Variants in HMGB1 observed in about 807,000 individuals in gnomAD.
HMGB1 encodes the protein high mobility group protein B1.
For missense variants in HMGB1, 79 were observed against 253.5 expected (o/e 0.31, Z 4.67); for synonymous variants, 81 against 84.0 (o/e 0.96, Z 0.19).
intron 1 of HMGB1, among the ~76,000 whole-genome samples, chr13:30,494,887 A>T (rs183407883): frequency 8.5e-5 from 13 of 152,272 alleles, no homozygotes; most frequent in Admixed American, 7.2e-4. Context: ...AGTATGTAAG[A>T]GTATATATTC....
chr13:30,589,594 C>T (rs1391996392), intron 1 of HMGB1, among the ~76,000 whole-genome samples: 1 of 152,160 alleles, frequency 6.6e-6, no homozygotes, highest in Non-Finnish European at 1.5e-5. Context: ...AGAGGCTGTG[C>T]ATGGTGGCTC....
intron 1 of HMGB1, among the ~76,000 whole-genome samples, chr13:30,549,160 G>C (rs757749305): frequency 2.0e-5 from 3 of 152,062 alleles, no homozygotes; most frequent in Non-Finnish European, 2.9e-5. Context: ...AGCTGGTCAT[G>C]CTGGTATACA....
At chr13:30,598,087 G>A (rs1289439670) in intron 1 of HMGB1, among the ~76,000 whole-genome samples, 1 of 152,138 alleles carries the variant, frequency 6.6e-6, no homozygotes, top group Non-Finnish European at 1.5e-5. Flanking sequence ...TAAGAAGAAG[G>A]CATGCACCGG....
chr13:30,598,024 T>C (rs533437028), intron 1 of HMGB1, among the ~76,000 whole-genome samples: 31 of 152,374 alleles, frequency 2.0e-4, no homozygotes, highest in African/African-American at 7.5e-4. Flanking sequence ...AATTACTGTC[T>C]AATTGGCTAG....
intron 1 of HMGB1, among the ~76,000 whole-genome samples, chr13:30,599,382 C>T (rs1312200277): frequency 4.6e-5 from 7 of 152,236 alleles, no homozygotes; most frequent in South Asian, 4.1e-4. Flanking sequence ...GCAGGAGAAT[C>T]GCTTGAACCT....
intron 1 of HMGB1, among the ~76,000 whole-genome samples, chr13:30,538,959 C>T (rs920506239): frequency 4.6e-5 from 7 of 152,132 alleles, no homozygotes; most frequent in South Asian, 2.1e-4. Flanking sequence ...TGCAACGGCA[C>T]GATCTCGGCT....
At chr13:30,572,956 T>C (rs1301061569) in intron 1 of HMGB1, among the ~76,000 whole-genome samples, 1 of 152,244 alleles carries the variant, frequency 6.6e-6, no homozygotes, top group African/African-American at 2.4e-5. Flanking sequence ...ACAGTTTCAC[T>C]TTCAGTTTTC....
intron 1 of HMGB1, among the ~76,000 whole-genome samples, chr13:30,474,763 T>A (rs2137423694): frequency 6.9e-6 from 1 of 145,546 alleles, no homozygotes; most frequent in African/African-American, 2.5e-5. Flanking sequence ...TCTCTCCTTT[T>A]TTTTTTTTTT....
chr13:30,596,835 G>A (rs561341615), intron 1 of HMGB1, among the ~76,000 whole-genome samples: 18 of 152,126 alleles, frequency 1.2e-4, no homozygotes, highest in Non-Finnish European at 1.8e-4. Context: ...CATGATTAAC[G>A]GAAGGCATAG....
intron 1 of HMGB1, among the ~76,000 whole-genome samples, chr13:30,572,402 T>A (rs1319524456): frequency 6.6e-6 from 1 of 152,218 alleles, no homozygotes; most frequent in Non-Finnish European, 1.5e-5. Context: ...AGAAGCTGGG[T>A]TATTTATTAT....
chr13:30,579,283 T>C, intron 1 of HMGB1, among the ~76,000 whole-genome samples: 1 of 152,200 alleles, frequency 6.6e-6, no homozygotes, highest in Non-Finnish European at 1.5e-5. Context: ...CTATAGGCCA[T>C]GATCCATTAT....
At chr13:30,584,360 C>T (rs1050610059) in intron 1 of HMGB1, among the ~76,000 whole-genome samples, 1 of 152,192 alleles carries the variant, frequency 6.6e-6, no homozygotes, top group South Asian at 2.1e-4. Context: ...CTCAAAGAGG[C>T]TTTTCTTGAC....
At chr13:30,499,428 G>C (rs561870105) in intron 1 of HMGB1, among the ~76,000 whole-genome samples, 2 of 152,140 alleles carry the variant, frequency 1.3e-5, no homozygotes, top group Non-Finnish European at 2.9e-5. Flanking sequence ...AAAGTCTCTC[G>C]ATCATTACTT....
rs1368591840 is a variant in HMGB1, at chr13:30,459,012, A to T, written c.*2345T>A. ...TTATACATCTTAGTTCATTAGTTTT[A>T]AAAAGCATCTTCATTTTAAAAGTTG... On this transcript the variant is annotated 3_prime_UTR_variant, in exon 5 of 5. Transcript: ENST00000341423. 6.6e-6 allele frequency: 1 copy of T among 152,192 alleles called. No individual in the cohort carries two copies. Among genetic ancestry groups the T allele is most frequent in the Non-Finnish European group, 1.5e-5 (1 of 68,022 alleles). 9.4% of individuals were successfully genotyped at this position (152,192 alleles called of 1,614,324 possible).
chr13:30,545,043 T>C (rs1014243733), intron 1 of HMGB1, among the ~76,000 whole-genome samples: 51 of 152,338 alleles, frequency 3.3e-4, no homozygotes, highest in Admixed American at 2.0e-4. Flanking sequence ...AAAACTATTT[T>C]TTTTCTTATG....
intron 1 of HMGB1, chr13:30,540,216 A>C: frequency 5.2e-6 from 1 of 193,100 alleles, no homozygotes; most frequent in South Asian, 1.1e-4. Context: ...CAGCAAGGGG[A>C]TCATCCAGAT....
intron 1 of HMGB1, among the ~76,000 whole-genome samples, chr13:30,491,194 A>C (rs1427018213): frequency 6.6e-6 from 1 of 151,800 alleles, no homozygotes; most frequent in Non-Finnish European, 1.5e-5. Flanking sequence ...ACGCCTGGCT[A>C]ATTTTTTGTA....
At chr13:30,477,213 C>T (rs1887118314) in intron 1 of HMGB1, among the ~76,000 whole-genome samples, 1 of 152,200 alleles carries the variant, frequency 6.6e-6, no homozygotes. Context: ...AGGACCCTTA[C>T]AGTTTGCATA....
chr13:30,616,318 C>T (rs1250510685), intron 1 of HMGB1, among the ~76,000 whole-genome samples: 3 of 152,230 alleles, frequency 2.0e-5, no homozygotes, highest in Non-Finnish European at 4.4e-5. Context: ...CACTGAAAGA[C>T]TAAAATTCAA....
Sources: allele counts gnomAD v4.1 joint callset (sites outside exome capture counted in the v4.1 genomes callset), GRCh38; gene constraint gnomAD v4.1.1; transcripts MANE v1.5; gene names NCBI Gene and HGNC (gene_info 2026-07-23, HGNC 2026-07-21).